Variants in PTPN1 observed in about 807,000 individuals in gnomAD.
The protein encoded by PTPN1 is protein tyrosine phosphatase non-receptor type 1.
A neutral mutation model predicts 59.9 loss-of-function variants in PTPN1; 12 were observed. That is an observed-to-expected ratio of 0.20 (90% CI 0.13 to 0.32). PTPN1 has a LOEUF of 0.32. Ranked by LOEUF, PTPN1 falls within the 10% of genes least tolerant of loss-of-function variation. The pLI, the probability that PTPN1 is intolerant of heterozygous loss-of-function variation, is 1.00. For missense variants in PTPN1, 356 were observed against 549.2 expected (o/e 0.65, Z 3.52); for synonymous variants, 178 against 203.6 (o/e 0.87, Z 1.07).
rs749642770 is a variant in PTPN1 at position 50,578,646 on chromosome 20, G to A, written c.702+17G>A. 5 of 1,606,950 alleles carry A rather than the reference G, an allele frequency of 3.1e-6. No homozygotes were observed. The highest frequency in any genetic ancestry group is 1.1e-5 in the South Asian group (1 of 90,794). ...CTCTTGCTGGTAAGGAGGCCCTCGC[G>A]GGTGCCCTGGGGAGCTCCTCTACCT... On this transcript the variant is annotated intron_variant, in intron 6 of 9. Transcript: ENST00000371621.
At chr20:50,517,707 TA>T (rs2082534954) in intron 1 of PTPN1, among the ~76,000 whole-genome samples, 1 of 152,212 alleles carries the variant, frequency 6.6e-6, no homozygotes, top group Non-Finnish European at 1.5e-5. Flanking sequence ...GGACTCAGAG[TA>T]AACATGGCAA....
At chr20:50,529,108 G>A (rs1056012258) in intron 1 of PTPN1, among the ~76,000 whole-genome samples, 20 of 152,138 alleles carry the variant, frequency 1.3e-4, no homozygotes, top group African/African-American at 4.1e-4. Flanking sequence ...GTCTTATCTC[G>A]AAGCAGTCCA....
At chr20:50,510,930 G>A (rs1024827515) in intron 1 of PTPN1, among the ~76,000 whole-genome samples, 1 of 152,034 alleles carries the variant, frequency 6.6e-6, no homozygotes, top group African/African-American at 2.4e-5. Context: ...GTCCCCTGGG[G>A]TGATTTAGCA....
intron 1 of PTPN1, among the ~76,000 whole-genome samples, chr20:50,511,406 G>A (rs2082506828): frequency 6.6e-6 from 1 of 152,166 alleles, no homozygotes; most frequent in Admixed American, 6.5e-5. Flanking sequence ...GGAGCAGAAA[G>A]CCGTGAGAAT....
intron 5 of PTPN1, among the ~76,000 whole-genome samples, chr20:50,576,041 C>G (rs1398387733): frequency 6.6e-6 from 1 of 152,154 alleles, no homozygotes; most frequent in Non-Finnish European, 1.5e-5. Context: ...AGCAGTGCAG[C>G]TGATGTGAGT....
chr20:50,576,131 G>T (rs1354887080), intron 5 of PTPN1, among the ~76,000 whole-genome samples: 1 of 152,156 alleles, frequency 6.6e-6, no homozygotes, highest in Admixed American at 6.5e-5. Context: ...TTCTGAGTAC[G>T]GTGGATGGAG....
intron 1 of PTPN1, among the ~76,000 whole-genome samples, chr20:50,541,609 G>C (rs2082653089): frequency 6.6e-6 from 1 of 152,110 alleles, no homozygotes; most frequent in Admixed American, 6.6e-5. Flanking sequence ...GTAGTATGGC[G>C]TGAGCTTCCT....
intron 1 of PTPN1, among the ~76,000 whole-genome samples, chr20:50,528,440 G>A (rs1228994705): frequency 6.6e-6 from 1 of 152,182 alleles, no homozygotes; most frequent in Admixed American, 6.6e-5. Flanking sequence ...AAGGCCAGTC[G>A]CAGTGGCTCA....
rs1555829975 is a variant in PTPN1 at position 50,554,380 on chromosome 20, A to ATCTCTCTCTCTCTCTC, written c.64-6970_64-6955dup. ...CCAGCCTAGGCAACAGCAAGACCAC[A>ATCTCTCTCTCTCTCTC]TCTCTCTCTCTCTCTCTCTCTCTCT... is the stretch of plus-strand genomic sequence containing the variant. On this transcript the variant is annotated intron_variant, in intron 1 of 9. Transcript: ENST00000371621. Among the ~76,000 whole-genome samples the ATCTCTCTCTCTCTCTC allele has an allele frequency of 7.9e-4, 111 of 140,274 alleles. 3 individuals are homozygous for ATCTCTCTCTCTCTCTC. The highest frequency in any genetic ancestry group is 2.9e-3 in the African/African-American group (107 of 37,252). 92.0% of individuals were successfully genotyped at this position (140,274 alleles called of 152,430 possible).
At chr20:50,575,304 T>G (rs1275627597) in intron 5 of PTPN1, among the ~76,000 whole-genome samples, 1 of 152,144 alleles carries the variant, frequency 6.6e-6, no homozygotes, top group Non-Finnish European at 1.5e-5. Flanking sequence ...GGGGCACCAG[T>G]GAAGAGTGGC....
At chr20:50,565,947 C>G (rs1034116780) in intron 3 of PTPN1, among the ~76,000 whole-genome samples, 5 of 152,344 alleles carry the variant, frequency 3.3e-5, no homozygotes. Context: ...AGGGCGCGTT[C>G]AACTGAGGCC....
chr20:50,572,703 GTC>G (rs1273330705), intron 4 of PTPN1: 1 of 152,168 alleles, frequency 6.6e-6, no homozygotes, highest in Admixed American at 6.5e-5. Flanking sequence ...TGTCAGATCA[GTC>G]TCTTGTTTCT....
chr20:50,561,259 A>ACC, intron 1 of PTPN1, 104 bp from the exon 2 acceptor site: 1 of 854,182 alleles, frequency 1.2e-6, no homozygotes, highest in Non-Finnish European at 1.9e-6. Flanking sequence ...CTGAATTATC[A>ACC]CCTTGCATTT....
At chr20:50,555,132 A>G (rs2082720633) in intron 1 of PTPN1, among the ~76,000 whole-genome samples, 1 of 152,244 alleles carries the variant, frequency 6.6e-6, no homozygotes, top group Non-Finnish European at 1.5e-5. Flanking sequence ...AGTGAAGTAT[A>G]AAACAAAGAG....
chr20:50,532,407 A>T (rs2082605427), intron 1 of PTPN1, among the ~76,000 whole-genome samples: 1 of 152,134 alleles, frequency 6.6e-6, no homozygotes, highest in Non-Finnish European at 1.5e-5. Context: ...GCTGACATAG[A>T]GTCAAAATGG....
chr20:50,524,370 A>C (rs1568775004), intron 1 of PTPN1, among the ~76,000 whole-genome samples: 2 of 151,998 alleles, frequency 1.3e-5, no homozygotes, highest in East Asian at 3.9e-4. Context: ...TGATTTGTAC[A>C]AAAAAAATTA....
At chr20:50,560,752 A>T (rs1027687853) in intron 1 of PTPN1, among the ~76,000 whole-genome samples, 1 of 151,970 alleles carries the variant, frequency 6.6e-6, no homozygotes, top group African/African-American at 2.4e-5. Flanking sequence ...ACAATATAAA[A>T]TTTTTTAAGT....
chr20:50,520,981 T>G (rs2082548677), intron 1 of PTPN1, among the ~76,000 whole-genome samples: 1 of 152,192 alleles, frequency 6.6e-6, no homozygotes, highest in African/African-American at 2.4e-5. Context: ...CTGGAAAAAT[T>G]GGGGCTTCAT....
chr20:50,555,270 G>C (rs557219579), intron 1 of PTPN1, among the ~76,000 whole-genome samples: 22 of 152,260 alleles, frequency 1.4e-4, no homozygotes, highest in African/African-American at 3.4e-4. Context: ...GAAAAACAGA[G>C]AATTCAAAGG....
Sources: gnomAD v4.1 joint callset for allele counts (sites outside exome capture counted in the v4.1 genomes callset) on GRCh38, gnomAD v4.1.1 for gene constraint, MANE v1.5 for transcripts, NCBI Gene and HGNC (gene_info 2026-07-23, HGNC 2026-07-21) for gene names.